The following RAB39A variants were observed in gnomAD, a reference collection of about 807,000 sequenced individuals.
RAB39A encodes ras-related protein Rab-39A.
In RAB39A, 17 loss-of-function variants were observed where a neutral mutation model predicts 20.9. The ratio of observed to expected loss-of-function variants is 0.81; its 90% CI spans 0.56 to 1.22. The LOEUF (loss-of-function observed/expected upper bound fraction) is 1.22. Ranked by LOEUF, RAB39A falls within the 50% of genes most tolerant of loss-of-function variation. RAB39A has a pLI of 0.00. For synonymous variants in RAB39A, 99 were observed against 103.4 expected (o/e 0.96, Z 0.26); for missense variants, 234 against 270.5 (o/e 0.87, Z 0.95).
At chr11:107,961,650 T>G (rs1254019332) in intron 1 of RAB39A, among the ~76,000 whole-genome samples, 1 of 151,942 alleles carries the variant, frequency 6.6e-6, no homozygotes, top group Non-Finnish European at 1.5e-5. Flanking sequence ...TGTAATAATC[T>G]ATCAGATTTT....
chr11:107,931,461 C>T (rs568640694), intron 1 of RAB39A, among the ~76,000 whole-genome samples: 9 of 152,222 alleles, frequency 5.9e-5, no homozygotes, highest in South Asian at 4.1e-4. Context: ...TAAATACATA[C>T]GTATTTCAGT....
chr11:107,933,679 CTTTT>C (rs376223086), intron 1 of RAB39A, among the ~76,000 whole-genome samples: 3 of 137,990 alleles, frequency 2.2e-5, no homozygotes, highest in Non-Finnish European at 3.1e-5. Context: ...ACCTGTGATT[CTTTT>C]TTTTTTTTTG....
intron 1 of RAB39A, among the ~76,000 whole-genome samples, chr11:107,936,058 C>G (rs1861191340): frequency 6.6e-6 from 1 of 151,984 alleles, no homozygotes; most frequent in Non-Finnish European, 1.5e-5. Flanking sequence ...TGCCACCATA[C>G]TCAGCTAGTT....
chr11:107,931,210 C>G (rs1591239489), intron 1 of RAB39A, among the ~76,000 whole-genome samples: 1 of 152,272 alleles, frequency 6.6e-6, no homozygotes, highest in South Asian at 2.1e-4. Context: ...TTCCCGACCT[C>G]GGGTGATCCA....
intron 1 of RAB39A, among the ~76,000 whole-genome samples, chr11:107,961,011 A>G (rs1200274325): frequency 6.6e-6 from 1 of 152,178 alleles, no homozygotes; most frequent in Non-Finnish European, 1.5e-5. Flanking sequence ...GGAGAGACAT[A>G]CAGAGAATCG....
chr11:107,940,688 C>T (rs1861250010), intron 1 of RAB39A, among the ~76,000 whole-genome samples: 1 of 152,082 alleles, frequency 6.6e-6, no homozygotes, highest in African/African-American at 2.4e-5. Flanking sequence ...AAATGACCAC[C>T]TCGGCCGGGT....
chr11:107,930,445 C>G (rs1861124320), intron 1 of RAB39A, among the ~76,000 whole-genome samples: 1 of 152,142 alleles, frequency 6.6e-6, no homozygotes, highest in South Asian at 2.1e-4. Context: ...TCTTGACCCC[C>G]CCTCTGAAGT....
At position 107,939,105 on chromosome 11, in the gene RAB39A, G is replaced by A. The variant is rs574808559; in HGVS notation, c.227+10310G>A. Among the ~76,000 whole-genome samples, 6 of 151,908 alleles carry A rather than the reference G, an allele frequency of 3.9e-5. No individual in the cohort carries two copies. The South Asian group carries it at 6.2e-4, about 16-fold the overall frequency. On this transcript the variant is annotated intron_variant, in intron 1 of 1. Coordinates refer to ENST00000320578, the MANE Select transcript of RAB39A (RefSeq NM_017516.3). ...AAAAATAGAAAAAAATTAGCTAGGC[G>A]TGGTGGCATCCACCTGTAATCCCAG...
At chr11:107,930,396 C>G (rs939904748) in intron 1 of RAB39A, among the ~76,000 whole-genome samples, 1 of 152,066 alleles carries the variant, frequency 6.6e-6, no homozygotes, top group Non-Finnish European at 1.5e-5. Context: ...GTAAACTTTG[C>G]GATATATCAG....
chr11:107,944,993 G>C (rs1372128624), intron 1 of RAB39A, among the ~76,000 whole-genome samples: 4 of 151,284 alleles, frequency 2.6e-5, no homozygotes, highest in African/African-American at 9.7e-5. Flanking sequence ...GACCAGTCTG[G>C]CCAAGATGGT....
intron 1 of RAB39A, among the ~76,000 whole-genome samples, chr11:107,949,129 T>C (rs927213132): frequency 6.6e-6 from 1 of 152,002 alleles, no homozygotes; most frequent in East Asian, 1.9e-4. Context: ...GAGACTAGCC[T>C]GGGCAACATG....
At chr11:107,959,528 C>T (rs1861474089) in intron 1 of RAB39A, among the ~76,000 whole-genome samples, 1 of 152,076 alleles carries the variant, frequency 6.6e-6, no homozygotes, top group Non-Finnish European at 1.5e-5. Context: ...ATCTAAGCAT[C>T]GGGTTGGTGA....
At chr11:107,940,786 C>A (rs997725112) in intron 1 of RAB39A, among the ~76,000 whole-genome samples, 1 of 152,044 alleles carries the variant, frequency 6.6e-6, no homozygotes, top group Non-Finnish European at 1.5e-5. Context: ...TCCTGGCCAA[C>A]GTGGTGAAGC....
At chr11:107,958,772 G>T (rs553232829) in intron 1 of RAB39A, among the ~76,000 whole-genome samples, 3 of 152,202 alleles carry the variant, frequency 2.0e-5, no homozygotes, top group South Asian at 2.1e-4. Context: ...AATACAATCA[G>T]TTAATAGGGT....
Position 107,928,779 on chromosome 11 carries a change from G to A in RAB39A, c.211G>A (p.Gly71Arg), listed in dbSNP as rs1184481433. ...CAAGCTACAGCTCTGGGACACGGCG[G>A]GACAGGAGCGGTTCAGGTAGGGACC... ...RIKLQLWDTA[G>R]QERFRSITRS... Residue 71 changes from glycine (G) to arginine (R), a missense_variant, in exon 1 of 2, where the codon GGA becomes AGA. Physicochemically the swap from Gly to Arg is moderately radical, Grantham distance 125. Coordinates refer to ENST00000320578, the MANE Select transcript of RAB39A (RefSeq NM_017516.3). This position sits in a 1 kb window ranked among gnomAD's most constrained non-coding sequence, Gnocchi z 4.9. The A allele has an allele frequency of 2.5e-6, 4 of 1,583,130 alleles. No homozygotes were observed. The South Asian group carries it at 3.4e-5, about 14-fold the overall frequency.
At chr11:107,948,211 AAATAAACGTCTTAC>A (rs1387320408) in intron 1 of RAB39A, among the ~76,000 whole-genome samples, 7 of 152,206 alleles carry the variant, frequency 4.6e-5, no homozygotes, top group Non-Finnish European at 8.8e-5. Flanking sequence ...AAGCTAATGG[AAATAAACGTCTTAC>A]AATAAGGCAA....
At chr11:107,953,184 C>T (rs1173336075) in intron 1 of RAB39A, among the ~76,000 whole-genome samples, 9 of 148,558 alleles carry the variant, frequency 6.1e-5, no homozygotes, top group Admixed American at 6.0e-4. Flanking sequence ...ATGTGTGCTT[C>T]ACTGCAGTTT....
At chr11:107,933,992 T>C (rs1260732254) in intron 1 of RAB39A, among the ~76,000 whole-genome samples, 1 of 152,168 alleles carries the variant, frequency 6.6e-6, no homozygotes, top group African/African-American at 2.4e-5. Context: ...TGTGATCAAG[T>C]AAGTTTGGAA....
At chr11:107,954,083 A>T (rs1016243691) in intron 1 of RAB39A, among the ~76,000 whole-genome samples, 9 of 152,194 alleles carry the variant, frequency 5.9e-5, no homozygotes, top group African/African-American at 2.2e-4. Context: ...CTAAATCCAG[A>T]TTAAATATAT....
Sources: allele counts gnomAD v4.1 joint callset (sites outside exome capture counted in the v4.1 genomes callset), GRCh38; gene constraint gnomAD v4.1.1; non-coding constraint Gnocchi (gnomAD v3.1); transcripts MANE v1.5; gene names NCBI Gene and HGNC (gene_info 2026-07-23, HGNC 2026-07-21).